The following WIPF2 variants were observed in gnomAD, a reference collection of about 807,000 sequenced individuals.
WIPF2 encodes WAS/WASL-interacting protein family member 2.
WIPF2 carries 23 observed loss-of-function variants against 38.8 expected under a neutral mutation model. The observed-to-expected ratio is 0.59, with a 90% confidence interval of 0.43 to 0.84. The LOEUF is 0.84. Among genes scored for constraint, WIPF2 ranks in the 40% least tolerant of loss-of-function variants. The pLI, the probability that WIPF2 is intolerant of heterozygous loss-of-function variation, is 0.00. For missense variants in WIPF2, 574 were observed against 580.5 expected, an observed-to-expected ratio of 0.99 and a Z score of 0.11; for synonymous variants, 210 against 223.2, an observed-to-expected ratio of 0.94 and a Z score of 0.53.
chr17:40,257,729 C>T (rs543258761), intron 2 of WIPF2, among the ~76,000 whole-genome samples: 3 of 126,988 alleles, frequency 2.4e-5, no homozygotes, highest in Admixed American at 1.9e-4. Flanking sequence ...GGCGACAGAG[C>T]GAGGCTCCAT....
intron 6 of WIPF2, among the ~76,000 whole-genome samples, chr17:40,276,520 CAAAA>C (rs1160459322): frequency 1.8e-4 from 13 of 71,624 alleles, no homozygotes; most frequent in African/African-American, 2.5e-4. Flanking sequence ...GACTCCGTCT[CAAAA>C]AAAAAAAAAA....
chr17:40,241,152 C>T (rs1598475954), intron 1 of WIPF2, among the ~76,000 whole-genome samples: 2 of 152,244 alleles, frequency 1.3e-5, no homozygotes, highest in South Asian at 2.1e-4. Flanking sequence ...TTCCCTAACA[C>T]CAAGAATCAC....
intron 5 of WIPF2, among the ~76,000 whole-genome samples, chr17:40,270,803 T>C (rs922233119): frequency 6.6e-6 from 1 of 152,066 alleles, no homozygotes; most frequent in Non-Finnish European, 1.5e-5. Context: ...GAACAAAGCT[T>C]GGAAACAGTG....
At chr17:40,248,528 T>C (rs970785660) in intron 1 of WIPF2, among the ~76,000 whole-genome samples, 1 of 152,192 alleles carries the variant, frequency 6.6e-6, no homozygotes, top group African/African-American at 2.4e-5. Context: ...GGCTGGTCTC[T>C]AAGCACATTC....
At chr17:40,276,770 C>T (rs187880045) in intron 6 of WIPF2, among the ~76,000 whole-genome samples, 71 of 152,030 alleles carry the variant, frequency 4.7e-4, no homozygotes, top group Non-Finnish European at 9.0e-4. Flanking sequence ...GAAAACTAGC[C>T]GGGTGAGGTG....
chr17:40,222,579 GTGTGTGTT>G (rs1017514340), intron 1 of WIPF2, among the ~76,000 whole-genome samples: 3 of 148,370 alleles, frequency 2.0e-5, no homozygotes, highest in Admixed American at 6.8e-5. Flanking sequence ...GCTCATGTGT[GTGTGTGTT>G]TGTGTGTGTG....
intron 2 of WIPF2, among the ~76,000 whole-genome samples, chr17:40,259,512 C>T (rs1044654821): frequency 6.6e-6 from 1 of 151,434 alleles, no homozygotes; most frequent in African/African-American, 2.4e-5. Context: ...GCAATCAGAG[C>T]ATTCACATCT....
chr17:40,261,034 G>GT (rs2031885548), intron 3 of WIPF2, among the ~76,000 whole-genome samples: 1 of 84,028 alleles, frequency 1.2e-5, no homozygotes, highest in South Asian at 4.1e-4. Flanking sequence ...TCTCAAAAAG[G>GT]TAAAAAAAAA....
rs1370077307 is a variant in WIPF2 at position 40,219,414 on chromosome 17, C to T, written c.-148C>T. ...CGGCGGCGGCGACGGCGAGAAAGAG[C>T]TTGCCGGGGGGCGAGCAGGACAGGA... On this transcript the variant is annotated 5_prime_UTR_variant, in exon 1 of 8. Transcript: ENST00000323571. The T allele has an allele frequency of 9.1e-5, 35 of 385,950 alleles. 1 individual carries two copies. The highest frequency in any genetic ancestry group is 7.3e-4 in the South Asian group (32 of 43,842). 23.9% of individuals were successfully genotyped at this position (385,950 alleles called of 1,614,324 possible). A position where few individuals can be genotyped will look rare whatever the true frequency, so the allele number is the denominator to read the frequency against.
At chr17:40,249,603 A>G (rs2031486685) in intron 1 of WIPF2, among the ~76,000 whole-genome samples, 1 of 149,644 alleles carries the variant, frequency 6.7e-6, no homozygotes, top group Admixed American at 6.7e-5. Flanking sequence ...ACAGGCATGC[A>G]CCACCATGCC....
intron 1 of WIPF2, among the ~76,000 whole-genome samples, chr17:40,247,189 T>C (rs2031397323): frequency 6.6e-6 from 1 of 150,966 alleles, no homozygotes; most frequent in African/African-American, 2.4e-5. Context: ...TCCTCGAAAA[T>C]TTAATTCTTA....
intron 1 of WIPF2, among the ~76,000 whole-genome samples, chr17:40,254,759 T>C (rs992394190): frequency 6.6e-6 from 1 of 151,554 alleles, no homozygotes; most frequent in African/African-American, 2.4e-5. Context: ...TGAGACAGAG[T>C]TTCGCTCTGT....
chr17:40,240,526 T>C (rs1430265331), intron 1 of WIPF2, among the ~76,000 whole-genome samples: 2 of 151,984 alleles, frequency 1.3e-5, no homozygotes, highest in Non-Finnish European at 2.9e-5. Context: ...TTTTTTTTTT[T>C]ACTTTTGTGA....
intron 1 of WIPF2, among the ~76,000 whole-genome samples, chr17:40,252,436 T>G (rs2145353141): frequency 6.6e-6 from 1 of 152,020 alleles, no homozygotes; most frequent in South Asian, 2.1e-4. Context: ...GGCCGAGGCG[T>G]GAGGATCATT....
intron 1 of WIPF2, among the ~76,000 whole-genome samples, chr17:40,240,377 C>T (rs903672436): frequency 6.6e-6 from 1 of 152,096 alleles, no homozygotes; most frequent in Admixed American, 6.6e-5. Context: ...GACTTTCAAC[C>T]AGTCCTCCTG....
rs543155980 is a variant in WIPF2 at position 40,226,116 on chromosome 17, C to CT, written c.-70+6633dup. On this transcript the variant is annotated intron_variant, in intron 1 of 7. Transcript: ENST00000323571. ...TTCTGGAAATGCTGAATCGAATAAT[C>CT]TTTTTTTTTCCTCCCAATAATCCCT... is the stretch of plus-strand genomic sequence containing the variant. Among the ~76,000 whole-genome samples the CT allele has an allele frequency of 1.2e-3, 177 of 147,146 alleles. 1 individual carries two copies. In the South Asian group the frequency reaches 0.014, roughly 11 times the overall value.
intron 1 of WIPF2, among the ~76,000 whole-genome samples, chr17:40,235,831 C>A (rs143250098): frequency 0.015 from 2,306 of 152,164 alleles, 29 homozygotes; most frequent in Non-Finnish European, 0.023. Flanking sequence ...GTCTTGGCCT[C>A]CCAAAGTGCT....
intron 1 of WIPF2, among the ~76,000 whole-genome samples, chr17:40,224,197 G>A (rs1213279173): frequency 6.7e-6 from 1 of 148,570 alleles, no homozygotes; most frequent in East Asian, 2.0e-4. Flanking sequence ...CGGACTTTTG[G>A]TACAGCCTGC....
rs959859569 is a variant in WIPF2 at position 40,282,544 on chromosome 17, T to C, written c.*4319T>C. On this transcript the variant is annotated 3_prime_UTR_variant, in exon 8 of 8. Coordinates refer to ENST00000323571, the MANE Select transcript of WIPF2 (RefSeq NM_133264.5). Reference sequence around the variant, plus strand: ...TATTGTATGATTTATTTTGGAGTTATATTCTGATTACAGTGCTCCCTCTCC... The same window carrying C: ...TATTGTATGATTTATTTTGGAGTTACATTCTGATTACAGTGCTCCCTCTCC... 4 of 152,374 alleles carry C rather than the reference T, an allele frequency of 2.6e-5. No homozygotes were observed. Among genetic ancestry groups the C allele is most frequent in the Non-Finnish European group, 4.4e-5 (3 of 68,040 alleles). The allele number at this position is 152,374 out of a possible 1,614,324, so 9.4% of individuals were successfully genotyped here.
Sources: allele counts gnomAD v4.1 joint callset (sites outside exome capture counted in the v4.1 genomes callset), GRCh38; gene constraint gnomAD v4.1.1; transcripts MANE v1.5; gene names NCBI Gene and HGNC (gene_info 2026-07-23, HGNC 2026-07-21).